Variants in MDM1 observed in about 807,000 individuals in gnomAD.
MDM1 encodes Mdm1 nuclear protein.
MDM1 carries 61 observed loss-of-function variants against 89.1 expected under a neutral mutation model. The observed-to-expected ratio is 0.68, with a 90% CI of 0.56 to 0.85. The LOEUF (loss-of-function observed/expected upper bound fraction) is 0.85. MDM1 is among the 40% of genes least tolerant of loss of function. The probability of loss-of-function intolerance (pLI) is 0.00; values close to 1 mark genes in which losing one functional copy is unlikely to be tolerated. For synonymous variants in MDM1, 290 were observed against 294.1 expected, an observed-to-expected ratio of 0.99 and a Z score of 0.14; for missense variants, 820 against 846.5, an observed-to-expected ratio of 0.97 and a Z score of 0.39.
At chr12:68,296,075 A>T (rs1871335253) in intron 14 of MDM1, among the ~76,000 whole-genome samples, 1 of 152,234 alleles carries the variant, frequency 6.6e-6, no homozygotes, top group Non-Finnish European at 1.5e-5. Flanking sequence ...TGAAATTTAA[A>T]TTTACTTCCA....
intron 12 of MDM1, 117 bp downstream of exon 12, chr12:68,313,326 T>A: frequency 1.4e-6 from 1 of 733,724 alleles, no homozygotes; most frequent in Non-Finnish European, 2.2e-6. Context: ...GTTAACAGTA[T>A]CATCTCCTCA....
chr12:68,316,218 C>T lies in MDM1; in HGVS notation c.1071G>A (p.Arg357=), dbSNP rs2058363547. The change falls in exon 9 of 15, where the codon AGG becomes AGA. Residue 357 remains arginine, a synonymous_variant. Coordinates refer to ENST00000682720, the MANE Select transcript of MDM1 (RefSeq NM_001354969.2). ...AAAAATGCGTCCCCTGAACTCGCTTCCTATAAAACTCAGCCTTTTCTCGGA... is the reference window on the plus strand; with the variant it reads ...AAAAATGCGTCCCCTGAACTCGCTTTCTATAAAACTCAGCCTTTTCTCGGA... ...KELREKAEFY[R]KRVQGTHFSR... is the part of the protein sequence containing the mutation. 1 of 1,613,854 alleles carries T rather than the reference C, an allele frequency of 6.2e-7. No homozygotes were observed. The highest frequency in any genetic ancestry group is 1.3e-5 in the African/African-American group (1 of 74,984).
intron 8 of MDM1, 75 bp from the exon 9 acceptor site, chr12:68,316,328 G>T: frequency 6.9e-7 from 1 of 1,446,624 alleles, no homozygotes; most frequent in South Asian, 1.4e-5. Flanking sequence ...GCATATCAAA[G>T]ACATTGCACA....
chr12:68,312,994 AT>A (rs1454545522), intron 12 of MDM1, among the ~76,000 whole-genome samples: 1 of 151,828 alleles, frequency 6.6e-6, no homozygotes, highest in African/African-American at 2.4e-5. Flanking sequence ...CAGCAGCTTT[AT>A]TTTTCTCCTT....
At chr12:68,325,251 G>A in intron 4 of MDM1, 190 bp downstream of exon 4, 1 of 1,216,142 alleles carries the variant, frequency 8.2e-7, no homozygotes, top group Non-Finnish European at 1.0e-6. Flanking sequence ...CAGAAGCCTA[G>A]GACAGTATAA....
chr12:68,306,493 A>G (rs1350080533), intron 12 of MDM1, among the ~76,000 whole-genome samples: 1 of 152,224 alleles, frequency 6.6e-6, no homozygotes, highest in Non-Finnish European at 1.5e-5. Context: ...TTTGCAAACT[A>G]CATATCTGAC....
intron 12 of MDM1, among the ~76,000 whole-genome samples, chr12:68,311,166 C>T (rs1029641509): frequency 3.3e-5 from 5 of 152,172 alleles, no homozygotes; most frequent in Non-Finnish European, 5.9e-5. Flanking sequence ...AAATTCAAAA[C>T]CCTAGGTAAA....
Position 68,321,610 on chromosome 12 carries a change from G to C in MDM1, c.820C>G (p.Arg274Gly), listed in dbSNP as rs150886543. 70 of 1,609,720 alleles carry C rather than the reference G, an allele frequency of 4.3e-5. No homozygotes were observed. The highest frequency in any genetic ancestry group is 5.4e-5 in the Non-Finnish European group (64 of 1,177,982). The change falls in exon 6 of 15, where the codon CGT becomes GGT. Residue 274 changes from arginine (R) to glycine (G), a missense_variant. Transcript: ENST00000682720. Reference sequence around the variant, plus strand: ...TCCATCTCTGCTTCCAATTTTAAACGATCGTCTATTTTATTACTCTGAAAT... The same window carrying C: ...TCCATCTCTGCTTCCAATTTTAAACCATCGTCTATTTTATTACTCTGAAAT... ...PERKSNKIDD[R>G]LKLEAEMELK...
At chr12:68,324,599 C>T (rs979209551) in intron 4 of MDM1, among the ~76,000 whole-genome samples, 1 of 151,990 alleles carries the variant, frequency 6.6e-6, no homozygotes, top group Admixed American at 6.6e-5. Flanking sequence ...TCAGTTCTTA[C>T]GGCTATACAA....
Position 68,332,341 on chromosome 12 carries a change from G to A in MDM1, c.-96C>T, listed in dbSNP as rs1876983591. 4 of 1,414,276 alleles carry A rather than the reference G, an allele frequency of 2.8e-6. No homozygotes were observed. The highest frequency in any genetic ancestry group is 5.2e-5 in the Admixed American group (2 of 38,442). The allele number at this position is 1,414,276 out of a possible 1,614,324, so 87.6% of individuals were successfully genotyped here. A position where few individuals can be genotyped will look rare whatever the true frequency, so the allele number is the denominator to read the frequency against. ...TAACAGTGTTCCCTAGCAAAGCCTCGGCCCGGCGTCCCCGACTACGCGCCG... is the reference window on the plus strand; with the variant it reads ...TAACAGTGTTCCCTAGCAAAGCCTCAGCCCGGCGTCCCCGACTACGCGCCG... On this transcript the variant is annotated 5_prime_UTR_variant, in exon 1 of 15. Transcript: ENST00000682720.
intron 13 of MDM1, among the ~76,000 whole-genome samples, chr12:68,297,998 G>A (rs1871636649): frequency 6.6e-6 from 1 of 152,148 alleles, no homozygotes; most frequent in African/African-American, 2.4e-5. Flanking sequence ...ACTTTTGGGA[G>A]TTTTATAACC....
At chr12:68,308,991 C>G (rs1481818192) in intron 12 of MDM1, among the ~76,000 whole-genome samples, 1 of 152,250 alleles carries the variant, frequency 6.6e-6, no homozygotes. Flanking sequence ...CTACCAACAC[C>G]TCCTACGTGG....
At position 68,313,735 on chromosome 12, in the gene MDM1, G is replaced by A. The variant is rs772783053; in HGVS notation, c.1548C>T (p.Ser516=). Residue 516 remains serine (S), a synonymous_variant, in exon 11 of 15, where the codon TCC becomes TCT. Coordinates refer to ENST00000682720, the MANE Select transcript of MDM1 (RefSeq NM_001354969.2). ...TAGGAAGCCGGCCTCCTTTTTCTGA[G>A]GATACAGAAGAATCTGACCTATAAA... ...KMKEGSDSSV[S]SEKGGRLPTP... is the part of the protein sequence containing the mutation. 48 of 1,613,318 alleles carry A rather than the reference G, an allele frequency of 3.0e-5. 1 individual carries two copies. Among genetic ancestry groups the A allele is most frequent in the Non-Finnish European group, 3.8e-5 (45 of 1,179,440 alleles).
intron 14 of MDM1, among the ~76,000 whole-genome samples, chr12:68,296,188 C>G (rs953007151): frequency 6.6e-6 from 1 of 152,124 alleles, no homozygotes; most frequent in Admixed American, 6.6e-5. Flanking sequence ...CTATTATAAG[C>G]AAATAAATGT....
chr12:68,300,182 A>C (rs1871949173), intron 13 of MDM1, among the ~76,000 whole-genome samples: 2 of 152,214 alleles, frequency 1.3e-5, no homozygotes, highest in African/African-American at 4.8e-5. Context: ...AGAAATGCTA[A>C]GTAGGAGTTC....
In MDM1 at chr12:68,315,182, TGG is replaced by T. The variant is rs1457676664; in HGVS notation, c.1293_1294del (p.Gln432GlufsTer17). The T allele has an allele frequency of 1.9e-6, 3 of 1,614,254 alleles. No individual in the cohort carries two copies. The highest frequency in any genetic ancestry group is 1.7e-5 in the Admixed American group (1 of 60,026). On this transcript the variant is annotated frameshift_variant, in exon 10 of 15. Coordinates refer to ENST00000682720, the MANE Select transcript of MDM1 (RefSeq NM_001354969.2). LOFTEE classifies it high-confidence loss of function. ...ACCCAATTTCTCCGTGGTATTTTTCTGGGGCTGTTCTTCCACGATATTTCCTT... is the reference window on the plus strand; with the variant it reads ...ACCCAATTTCTCCGTGGTATTTTTCTGGCTGTTCTTCCACGATATTTCCTT...
chr12:68,300,070 T>C (rs1025262836), intron 13 of MDM1, among the ~76,000 whole-genome samples: 2 of 152,212 alleles, frequency 1.3e-5, no homozygotes, highest in South Asian at 2.1e-4. Context: ...GCCAAGAATT[T>C]TGTTAGTTTA....
At chr12:68,308,064 G>C (rs192384512) in intron 12 of MDM1, among the ~76,000 whole-genome samples, 165 of 149,908 alleles carry the variant, frequency 1.1e-3, no homozygotes, top group Non-Finnish European at 1.0e-4. Context: ...CCAGGCTCCA[G>C]CCACACTTTT....
chr12:68,299,941 C>T (rs939788620), intron 13 of MDM1, among the ~76,000 whole-genome samples: 2 of 152,246 alleles, frequency 1.3e-5, no homozygotes, highest in East Asian at 3.9e-4. Flanking sequence ...AGGCAAAAAG[C>T]ATCAGGTAAC....
Sources: allele counts gnomAD v4.1 joint callset (sites outside exome capture counted in the v4.1 genomes callset), GRCh38; gene constraint gnomAD v4.1.1; transcripts MANE v1.5; gene names NCBI Gene and HGNC (gene_info 2026-07-23, HGNC 2026-07-21).